The following ST3GAL3 variants were observed in gnomAD, a reference collection of about 807,000 sequenced individuals.
ST3GAL3 encodes the protein ST3 beta-galactoside alpha-2,3-sialyltransferase 3.
In ST3GAL3, 21 loss-of-function variants were observed where a neutral mutation model predicts 50.1. The observed-to-expected ratio is 0.42, with a 90% confidence interval of 0.30 to 0.60. The LOEUF is 0.60. ST3GAL3 is among the 20% of genes least tolerant of loss of function. The pLI, the probability that ST3GAL3 is intolerant of heterozygous loss-of-function variation, is 0.19. For synonymous variants in ST3GAL3, 183 were observed against 190.0 expected (o/e 0.96, Z 0.30); for missense variants, 353 against 489.4 (o/e 0.72, Z 2.63).
intron 5 of ST3GAL3, among the ~76,000 whole-genome samples, chr1:43,873,422 A>G (rs527744207): frequency 1.6e-4 from 24 of 152,336 alleles, no homozygotes; most frequent in African/African-American, 5.5e-4. Flanking sequence ...TTTTAGGAGC[A>G]TTATGAACTC....
chr1:43,736,836 G>A (rs961305046), intron 2 of ST3GAL3: 2 of 265,820 alleles, frequency 7.5e-6, no homozygotes, highest in Non-Finnish European at 1.5e-5. Context: ...CTAAAGAAAC[G>A]TTGTCTACTG....
chr1:43,908,049 G>T (rs1032181704), intron 9 of ST3GAL3, among the ~76,000 whole-genome samples: 2 of 152,176 alleles, frequency 1.3e-5, no homozygotes, highest in Non-Finnish European at 2.9e-5. Context: ...CATCCAGTGA[G>T]CATTTACTGT....
intron 6 of ST3GAL3, among the ~76,000 whole-genome samples, chr1:43,894,902 A>T (rs1055235588): frequency 1.3e-5 from 2 of 152,112 alleles, no homozygotes; most frequent in Non-Finnish European, 2.9e-5. Flanking sequence ...GGTTACAGGC[A>T]TGAGCCACCA....
chr1:43,713,500 C>T (rs927640019), intron 1 of ST3GAL3, among the ~76,000 whole-genome samples: 1 of 150,142 alleles, frequency 6.7e-6, no homozygotes, highest in Non-Finnish European at 1.5e-5. Flanking sequence ...ATCTCACTAC[C>T]TAAAGATGCC....
At chr1:43,833,588 G>A (rs2063831519) in intron 4 of ST3GAL3, among the ~76,000 whole-genome samples, 1 of 151,940 alleles carries the variant, frequency 6.6e-6, no homozygotes, top group Admixed American at 6.6e-5. Flanking sequence ...GCAAATTAAG[G>A]GCACAAAACA....
At chr1:43,789,071 A>G (rs748929060) in intron 2 of ST3GAL3, among the ~76,000 whole-genome samples, 1 of 152,170 alleles carries the variant, frequency 6.6e-6, no homozygotes, top group Non-Finnish European at 1.5e-5. Flanking sequence ...AATGAGGCAA[A>G]TGGTAAAGAC....
chr1:43,857,895 C>T (rs182886013), intron 5 of ST3GAL3, among the ~76,000 whole-genome samples: 4 of 152,244 alleles, frequency 2.6e-5, no homozygotes, highest in African/African-American at 9.6e-5. Flanking sequence ...GGATTACAGG[C>T]GTGAGCCACC....
intron 2 of ST3GAL3, among the ~76,000 whole-genome samples, chr1:43,769,841 C>G (rs763598954): frequency 1.9e-4 from 29 of 152,204 alleles, no homozygotes; most frequent in Admixed American, 8.5e-4. Context: ...ATTTTATGTA[C>G]TAGTTCTGTT....
At chr1:43,801,998 TCAAA>T (rs55640224) in intron 3 of ST3GAL3, among the ~76,000 whole-genome samples, 136,100 of 151,762 alleles carry the variant, frequency 0.9, 61,235 homozygotes, top group African/African-American at 0.95. Context: ...AGACCCTGTG[TCAAA>T]CAAACAAACA....
At position 43,930,054 on chromosome 1, in the gene ST3GAL3, G is replaced by A. The variant is rs749762015; in HGVS notation, c.1039-78G>A. On this transcript the variant is annotated intron_variant, in intron 11 of 11. Coordinates refer to ENST00000347631, the MANE Select transcript of ST3GAL3 (RefSeq NM_006279.5). ...TCACGGAGTATTGGAGAGTGGTGAC[G>A]AAGAAGGCACCGAGCCCTGGAAGGG... The A allele has an allele frequency of 1.1e-5, 14 of 1,235,486 alleles. No homozygotes were observed. In the East Asian group the frequency reaches 1.6e-4, roughly 14 times the overall value. The allele number at this position is 1,235,486 out of a possible 1,614,324, so 76.5% of individuals were successfully genotyped here. A position where few individuals can be genotyped will look rare whatever the true frequency, so the allele number is the denominator to read the frequency against.
At chr1:43,751,122 T>C (rs972661779) in intron 2 of ST3GAL3, among the ~76,000 whole-genome samples, 1 of 152,204 alleles carries the variant, frequency 6.6e-6, no homozygotes, top group Non-Finnish European at 1.5e-5. Context: ...AAGTGGTTAG[T>C]GTTTATTTAC....
intron 2 of ST3GAL3, among the ~76,000 whole-genome samples, chr1:43,740,159 C>T (rs866125495): frequency 1.6e-4 from 24 of 151,776 alleles, no homozygotes; most frequent in African/African-American, 4.6e-4. Context: ...GTCAGGAGAT[C>T]GAGACCATCC....
intron 2 of ST3GAL3, among the ~76,000 whole-genome samples, chr1:43,753,947 TCTC>T (rs1687110995): frequency 6.6e-6 from 1 of 152,148 alleles, no homozygotes; most frequent in Non-Finnish European, 1.5e-5. Flanking sequence ...TAACTTACTG[TCTC>T]CTCTCTCTCC....
chr1:43,891,197 T>A (rs994623386), intron 5 of ST3GAL3, among the ~76,000 whole-genome samples: 2 of 152,178 alleles, frequency 1.3e-5, no homozygotes, highest in Non-Finnish European at 2.9e-5. Context: ...TATCAAAGAT[T>A]ACTAGGATGT....
At chr1:43,926,341 C>A (rs1386740874) in intron 11 of ST3GAL3, among the ~76,000 whole-genome samples, 1 of 152,212 alleles carries the variant, frequency 6.6e-6, no homozygotes, top group Non-Finnish European at 1.5e-5. Context: ...GTAATCCCAG[C>A]ACTTTGGGAG....
At chr1:43,892,617 T>C (rs528791481) in intron 5 of ST3GAL3, among the ~76,000 whole-genome samples, 2 of 152,268 alleles carry the variant, frequency 1.3e-5, no homozygotes, top group African/African-American at 4.8e-5. Context: ...TAAAACTTAC[T>C]GAACTTTCCA....
chr1:43,851,642 A>T (rs1016167604), intron 5 of ST3GAL3: 1 of 1,269,570 alleles, frequency 7.9e-7, no homozygotes, highest in South Asian at 1.2e-5. Flanking sequence ...GTAAACCTCA[A>T]CATCGCTGTC....
chr1:43,811,793 G>A (rs2060588974), intron 3 of ST3GAL3, among the ~76,000 whole-genome samples: 1 of 152,198 alleles, frequency 6.6e-6, no homozygotes, highest in Admixed American at 6.5e-5. Context: ...AGAGGCTGGA[G>A]TGAGAGACAG....
At chr1:43,842,882 C>T (rs1236966476) in intron 5 of ST3GAL3, 1 of 151,258 alleles carries the variant, frequency 6.6e-6, no homozygotes, top group Non-Finnish European at 1.5e-5. Context: ...AAAGACTCTG[C>T]TTTCTCCATT....
Sources: gnomAD v4.1 joint callset for allele counts (sites outside exome capture counted in the v4.1 genomes callset) on GRCh38, gnomAD v4.1.1 for gene constraint, MANE v1.5 for transcripts, NCBI Gene and HGNC (gene_info 2026-07-23, HGNC 2026-07-21) for gene names.